GTF2A2: variants seen among roughly 807,000 people sequenced by gnomAD.
The protein encoded by GTF2A2 is transcription initiation factor IIA subunit 2.
A neutral mutation model predicts 14.3 loss-of-function variants in GTF2A2; 9 were observed. That is an observed-to-expected ratio of 0.63 (90% CI 0.38 to 1.10). GTF2A2 has a LOEUF of 1.10. Among genes scored for constraint, GTF2A2 ranks in the 50% least tolerant of loss-of-function variants. The pLI is 0.01. For synonymous variants in GTF2A2, 56 were observed against 46.0 expected, an observed-to-expected ratio of 1.22 and a Z score of -0.88; for missense variants, 90 against 124.6, an observed-to-expected ratio of 0.72 and a Z score of 1.32.
In GTF2A2 at chr15:59,638,418, T is replaced by TGTAA. The variant is rs1247382878; in HGVS notation, c.*710_*713dup. 5.0e-4 allele frequency: 75 copies of TGTAA among 148,558 alleles called. No homozygotes were observed. The highest frequency in any genetic ancestry group is 1.8e-3 in the African/African-American group (75 of 41,292). 9.2% of individuals were successfully genotyped at this position (148,558 alleles called of 1,614,324 possible). On this transcript the variant is annotated 3_prime_UTR_variant, in exon 5 of 5. Coordinates refer to ENST00000396060, the MANE Select transcript of GTF2A2 (RefSeq NM_004492.3). ...TAAAAGTCTAATAATTAGACTTTAT[T>TGTAA]GTAAGTCTAATGTATCTTGTACATG...
chr15:59,639,556 G>A (rs1164054159), intron 4 of GTF2A2, among the ~76,000 whole-genome samples: 5 of 151,162 alleles, frequency 3.3e-5, no homozygotes, highest in African/African-American at 1.2e-4. Context: ...TGCCCCCCGG[G>A]GGTTCACGCC....
intron 1 of GTF2A2, among the ~76,000 whole-genome samples, chr15:59,655,438 G>T (rs1220381670): frequency 3.9e-5 from 6 of 152,188 alleles, no homozygotes; most frequent in African/African-American, 1.4e-4. Flanking sequence ...GCCTCACTCA[G>T]AATATTGGAC....
intron 3 of GTF2A2, among the ~76,000 whole-genome samples, chr15:59,648,131 G>T (rs12906392): frequency 6.6e-6 from 1 of 151,562 alleles, no homozygotes; most frequent in Non-Finnish European, 1.5e-5. Flanking sequence ...AGTTATGGCC[G>T]GGTGCGGTAC....
Position 59,638,810 on chromosome 15 carries a change from A to C in GTF2A2, c.*322T>G. 14 of 202,298 alleles carry C rather than the reference A, an allele frequency of 6.9e-5. No homozygotes were observed. The highest frequency in any genetic ancestry group is 1.0e-4 in the South Asian group (1 of 9,676). The allele number at this position is 202,298 out of a possible 1,614,324, so 12.5% of individuals were successfully genotyped here. ...CATGTTCCTTGCAAAGGAAATGGGA[A>C]AATGCATTATCTAATATCTTCATAT... is the stretch of plus-strand genomic sequence containing the variant. On this transcript the variant is annotated 3_prime_UTR_variant, in exon 5 of 5. Coordinates refer to ENST00000396060, the MANE Select transcript of GTF2A2 (RefSeq NM_004492.3).
intron 3 of GTF2A2, among the ~76,000 whole-genome samples, chr15:59,642,813 C>G (rs1453732068): frequency 6.6e-6 from 1 of 152,182 alleles, no homozygotes; most frequent in African/African-American, 2.4e-5. Flanking sequence ...TGTTGCCACG[C>G]TGGAGTGCAG....
chr15:59,642,551 C>T (rs1177376922), intron 3 of GTF2A2, among the ~76,000 whole-genome samples: 1 of 152,072 alleles, frequency 6.6e-6, no homozygotes, highest in African/African-American at 2.4e-5. Context: ...TTTCTATTGC[C>T]CTCATGTGGC....
chr15:59,652,932 A>T (rs1285358807), intron 1 of GTF2A2: 1 of 152,234 alleles, frequency 6.6e-6, no homozygotes, highest in Admixed American at 6.5e-5. Flanking sequence ...CAGGTTCTTT[A>T]AGCTAGACTT....
At chr15:59,646,151 G>C (rs1891599038) in intron 3 of GTF2A2, among the ~76,000 whole-genome samples, 1 of 152,122 alleles carries the variant, frequency 6.6e-6, no homozygotes, top group Admixed American at 6.6e-5. Flanking sequence ...CCACCACCTG[G>C]GTTCAAGTGA....
intron 3 of GTF2A2, chr15:59,644,450 G>A (rs1268603334): frequency 4.6e-5 from 7 of 152,216 alleles, no homozygotes; most frequent in Non-Finnish European, 1.0e-4. Context: ...AGCTATGAAT[G>A]AATGAATATA....
intron 4 of GTF2A2, among the ~76,000 whole-genome samples, chr15:59,641,438 CAT>C (rs1338567943): frequency 6.6e-6 from 1 of 152,132 alleles, no homozygotes; most frequent in Non-Finnish European, 1.5e-5. Context: ...TTACTTTCTA[CAT>C]ATCTTTCTCT....
At position 59,638,336 on chromosome 15, in the gene GTF2A2, T is replaced by A. The variant is rs1027316484; in HGVS notation, c.*796A>T. ...CAATCCAGTTAACCATGTAAGAAAC[T>A]CCTCACCTAGGGTCAGTATGTTACT... On this transcript the variant is annotated 3_prime_UTR_variant, in exon 5 of 5. Coordinates refer to ENST00000396060, the MANE Select transcript of GTF2A2 (RefSeq NM_004492.3). 8 of 152,114 alleles carry A rather than the reference T, an allele frequency of 5.3e-5. No individual in the cohort carries two copies. The highest frequency in any genetic ancestry group is 2.9e-5 in the Non-Finnish European group (2 of 68,026). The allele number at this position is 152,114 out of a possible 1,614,324, so 9.4% of individuals were successfully genotyped here. A position where few individuals can be genotyped will look rare whatever the true frequency, so the allele number is the denominator to read the frequency against.
chr15:59,642,855 C>T (rs1891476565), intron 3 of GTF2A2, among the ~76,000 whole-genome samples: 1 of 152,136 alleles, frequency 6.6e-6, no homozygotes, highest in Non-Finnish European at 1.5e-5. Flanking sequence ...CAACCTCCAC[C>T]TCCCAGGTTC....
chr15:59,639,131 T>TTCATTCTGTAGTA lies in GTF2A2; in HGVS notation c.318_330dup, dbSNP rs535849167. 1.0e-3 allele frequency: 1,501 copies of TTCATTCTGTAGTA among 1,440,064 alleles called. 14 individuals are homozygous for TTCATTCTGTAGTA. In the African/African-American group the frequency reaches 0.02, roughly 19 times the overall value. The allele number at this position is 1,440,064 out of a possible 1,614,324, so 89.2% of individuals were successfully genotyped here. A position where few individuals can be genotyped will look rare whatever the true frequency, so the allele number is the denominator to read the frequency against. ...GTGTAAAAAAGTCATATTTTTTCTA[T>TTCATTCTGTAGTA]TCATTCTGTAGTATTGGAGCCAGTA... On this transcript the variant is annotated 3_prime_UTR_variant, in exon 5 of 5. Transcript: ENST00000396060.
chr15:59,647,493 CACTT>C (rs747381948), intron 3 of GTF2A2, among the ~76,000 whole-genome samples: 10 of 152,166 alleles, frequency 6.6e-5, no homozygotes, highest in Admixed American at 2.0e-4. Context: ...TTACTTTTAA[CACTT>C]AATCATTTGG....
At chr15:59,639,551 C>T (rs966797135) in intron 4 of GTF2A2, among the ~76,000 whole-genome samples, 1 of 151,386 alleles carries the variant, frequency 6.6e-6, no homozygotes. Flanking sequence ...GGCTCTGCCC[C>T]CCGGGGGTTC....
intron 4 of GTF2A2, chr15:59,640,319 G>A (rs12915168): frequency 2.0e-5 from 3 of 152,092 alleles, no homozygotes; most frequent in Non-Finnish European, 2.9e-5. Flanking sequence ...AGTAAAATAC[G>A]TATCTTTACA....
intron 3 of GTF2A2, among the ~76,000 whole-genome samples, chr15:59,649,829 T>C (rs1260658181): frequency 1.3e-5 from 2 of 152,252 alleles, no homozygotes; most frequent in African/African-American, 4.8e-5. Context: ...ATGCCTGGTA[T>C]GTTAACAGAC....
intron 3 of GTF2A2, among the ~76,000 whole-genome samples, chr15:59,648,562 G>C (rs1438831648): frequency 6.6e-6 from 1 of 151,928 alleles, no homozygotes; most frequent in Non-Finnish European, 1.5e-5. Context: ...TAAAACCTTA[G>C]CTCTCATACT....
At chr15:59,648,130 C>G (rs1051002183) in intron 3 of GTF2A2, among the ~76,000 whole-genome samples, 1 of 151,840 alleles carries the variant, frequency 6.6e-6, no homozygotes, top group African/African-American at 2.4e-5. Flanking sequence ...TAGTTATGGC[C>G]GGGTGCGGTA....
Sources: gnomAD v4.1 joint callset for allele counts (sites outside exome capture counted in the v4.1 genomes callset) on GRCh38, gnomAD v4.1.1 for gene constraint, MANE v1.5 for transcripts, NCBI Gene and HGNC (gene_info 2026-07-23, HGNC 2026-07-21) for gene names.